Variants in ZNF479 observed in about 807,000 individuals in gnomAD.
The protein encoded by ZNF479 is KRAB zinc finger protein KR19.
Under a neutral mutation model 14.7 loss-of-function variants are expected in ZNF479, and 15 were observed. The observed-to-expected ratio is 1.02, with a 90% CI of 0.68 to 1.57. The LOEUF (loss-of-function observed/expected upper bound fraction) is 1.57, where lower values mean the gene tolerates loss of function less well. ZNF479 is among the 40% of genes most tolerant of loss of function. The pLI is 0.00. For synonymous variants in ZNF479, 145 were observed against 211.5 expected (o/e 0.69, Z 2.73); for missense variants, 506 against 615.1 (o/e 0.82, Z 1.88).
In ZNF479 at chr7:57,118,024, G is replaced by A. The variant is rs1322956980; in HGVS notation, c.*1816C>T. ...TTCTTTCTACTGTGACCCCTCAGATGCTTATATAGACTTAATTTTTGATTT... is the reference window on the plus strand; with the variant it reads ...TTCTTTCTACTGTGACCCCTCAGATACTTATATAGACTTAATTTTTGATTT... On this transcript the variant is annotated 3_prime_UTR_variant, in exon 4 of 4. Coordinates refer to ENST00000319636, the MANE Select transcript of ZNF479 (RefSeq NM_001370129.2). 6.6e-6 allele frequency among the ~76,000 whole-genome samples: 1 copy of A among 152,248 alleles called. No individual in the cohort carries two copies. The highest frequency in any genetic ancestry group is 2.4e-5 in the African/African-American group (1 of 41,462).
intron 2 of ZNF479, 59 bp from the exon 3 acceptor site, chr7:57,126,172 T>A: frequency 6.7e-7 from 1 of 1,493,274 alleles, no homozygotes; most frequent in Non-Finnish European, 9.1e-7. Context: ...ATTACCAAAT[T>A]AGTATTATGC....
chr7:57,127,842 T>C (rs1343944528), intron 1 of ZNF479, among the ~76,000 whole-genome samples: 16 of 151,338 alleles, frequency 1.1e-4, no homozygotes, highest in African/African-American at 3.9e-4. Context: ...TATTATGTGC[T>C]GATGCACACA....
chr7:57,119,888 A>C lies in ZNF479; in HGVS notation c.1527T>G (p.Ala509=), dbSNP rs78428923. The C allele has an allele frequency of 0.026, 41,279 of 1,613,846 alleles. 1,192 individuals are homozygous for C. Among genetic ancestry groups the C allele is most frequent in the East Asian group, 0.17 (7,657 of 44,826 alleles). Residue 509 remains alanine, a synonymous_variant, in exon 4 of 4, where the codon GCT becomes GCG. Coordinates refer to ENST00000319636, the MANE Select transcript of ZNF479 (RefSeq NM_001370129.2). ...CTCCAGTGTGAATTATCTTATGTTT[A>C]GCAAGACTTGAATGCCACTTAAAAG... ...EQAFKWHSSL[A]KHKIIHTGEK...
At chr7:57,122,774 G>A (rs1328928937) in intron 3 of ZNF479, among the ~76,000 whole-genome samples, 4 of 152,006 alleles carry the variant, frequency 2.6e-5, no homozygotes, top group Non-Finnish European at 5.9e-5. Flanking sequence ...TTACTAGAAT[G>A]AGACAAAGAT....
upstream of ZNF479, among the ~76,000 whole-genome samples, chr7:57,135,339 A>G (rs1377611207): frequency 1.3e-5 from 2 of 152,178 alleles, no homozygotes; most frequent in Non-Finnish European, 2.9e-5. Context: ...CCCTCTCAGT[A>G]AAGTCCCTCT....
intron 1 of ZNF479, among the ~76,000 whole-genome samples, chr7:57,137,809 C>T (rs1004089870): frequency 2.6e-5 from 4 of 152,170 alleles, no homozygotes; most frequent in Non-Finnish European, 4.4e-5. Context: ...TATCTCTGGG[C>T]CAATCACCTA....
intron 1 of ZNF479, among the ~76,000 whole-genome samples, chr7:57,130,856 A>G (rs1786383237): frequency 6.6e-6 from 1 of 152,254 alleles, no homozygotes; most frequent in East Asian, 1.9e-4. Flanking sequence ...ATAATCCTGT[A>G]TGTCTTCAAT....
intron 1 of ZNF479, among the ~76,000 whole-genome samples, chr7:57,130,562 A>C (rs1326606058): frequency 6.6e-6 from 1 of 152,242 alleles, no homozygotes; most frequent in African/African-American, 2.4e-5. Flanking sequence ...AAAAAAAGAA[A>C]TAATTCAAAT....
At position 57,121,279 on chromosome 7, in the gene ZNF479, A is replaced by G. The variant is rs537486424; in HGVS notation, c.263-127T>C. Reference sequence around the variant, plus strand: ...GCCATATCAAAATACCACAGGCCATAATTCCTTCATAGATGTATAAATGTA... The same window carrying G: ...GCCATATCAAAATACCACAGGCCATGATTCCTTCATAGATGTATAAATGTA... On this transcript the variant is annotated intron_variant, in intron 3 of 3. Coordinates refer to ENST00000319636, the MANE Select transcript of ZNF479 (RefSeq NM_001370129.2). 9.6e-5 allele frequency: 70 copies of G among 728,414 alleles called. No individual in the cohort carries two copies. In the African/African-American group the frequency reaches 1.1e-3, roughly 12 times the overall value. 45.1% of individuals were successfully genotyped at this position (728,414 alleles called of 1,614,324 possible). A position where few individuals can be genotyped will look rare whatever the true frequency, so the allele number is the denominator to read the frequency against.
intron 2 of ZNF479, 95 bp from the exon 3 acceptor site, chr7:57,126,208 G>C (rs1035845526): frequency 2.2e-6 from 3 of 1,368,010 alleles, no homozygotes; most frequent in Non-Finnish European, 2.9e-6. Flanking sequence ...GAAAATTCTA[G>C]AAGATTAATA....
chr7:57,132,278 G>A lies in ZNF479; in HGVS notation c.39+8C>T. On this transcript the variant is annotated splice_region_variant and intron_variant, in intron 1 of 3. Transcript: ENST00000319636. ...CCCCTCTCTCACGATGACAGACCCA[G>A]CACTCACCATTTCTCGGCTTCCAGG... is the stretch of plus-strand genomic sequence containing the variant. 1 of 1,614,078 alleles carries A rather than the reference G, an allele frequency of 6.2e-7. No individual in the cohort carries two copies. The highest frequency in any genetic ancestry group is 8.5e-7 in the Non-Finnish European group (1 of 1,180,024).
chr7:57,138,487 T>A (rs1193176808), intron 1 of ZNF479, among the ~76,000 whole-genome samples: 1 of 152,116 alleles, frequency 6.6e-6, no homozygotes, highest in African/African-American at 2.4e-5. Context: ...CGATACACAG[T>A]TAGAATATTG....
rs1466900893 is a variant in ZNF479, at chr7:57,118,093, C to T, written c.*1747G>A. Among the ~76,000 whole-genome samples, 28 of 152,206 alleles carry T rather than the reference C, an allele frequency of 1.8e-4. No individual in the cohort carries two copies. Among genetic ancestry groups the T allele is most frequent in the Admixed American group, 1.8e-3 (28 of 15,282 alleles). On this transcript the variant is annotated 3_prime_UTR_variant, in exon 4 of 4. Transcript: ENST00000319636. ...ACTGGTTCTGCAAAAATATTTAGTA[C>T]AAACTGGTGTTTTCTAAGCTGGAGG...
At position 57,126,132 on chromosome 7, in the gene ZNF479, A is replaced by C. The variant is rs778496698; in HGVS notation, c.167-19T>G. Reference sequence around the variant, plus strand: ...GCAATACCTGTTTTATTAAGAAAAAAAAGTAACATAGATCATGCTGAATTC... The same window carrying C: ...GCAATACCTGTTTTATTAAGAAAAACAAGTAACATAGATCATGCTGAATTC... On this transcript the variant is annotated intron_variant, in intron 2 of 3. Coordinates refer to ENST00000319636, the MANE Select transcript of ZNF479 (RefSeq NM_001370129.2). The C allele has an allele frequency of 6.3e-7, 1 of 1,583,710 alleles. No homozygotes were observed. The highest frequency in any genetic ancestry group is 8.5e-7 in the Non-Finnish European group (1 of 1,171,320).
chr7:57,135,278 G>A (rs1786595301), upstream of ZNF479, among the ~76,000 whole-genome samples: 1 of 152,154 alleles, frequency 6.6e-6, no homozygotes, highest in Non-Finnish European at 1.5e-5. Flanking sequence ...TGTGTTTGAG[G>A]TGCAACTTAG....
chr7:57,130,831 T>C (rs1786382053), intron 1 of ZNF479, among the ~76,000 whole-genome samples: 1 of 152,164 alleles, frequency 6.6e-6, no homozygotes, highest in African/African-American at 2.4e-5. Flanking sequence ...CGATTCACAA[T>C]AGCAAAAACA....
chr7:57,127,568 G>T (rs1786228778), intron 1 of ZNF479: 1 of 984,638 alleles, frequency 1.0e-6, no homozygotes, highest in South Asian at 4.7e-5. Flanking sequence ...GTAAATGGCA[G>T]AGTCTGGGTT....
chr7:57,131,329 G>A (rs1281582141), intron 1 of ZNF479, among the ~76,000 whole-genome samples: 3 of 151,778 alleles, frequency 2.0e-5, no homozygotes, highest in Non-Finnish European at 4.4e-5. Context: ...TTGGGAGGCT[G>A]AGGCAGGCAG....
chr7:57,132,325 A>C lies in ZNF479; in HGVS notation c.-1T>G. 1 of 1,614,132 alleles carries C rather than the reference A, an allele frequency of 6.2e-7. No individual in the cohort carries two copies. The highest frequency in any genetic ancestry group is 8.5e-7 in the Non-Finnish European group (1 of 1,180,022). ...CAGGGGGTCCTGGTCTTTTAGCCAT[A>C]AATCTGCAGATACCTGCAGGACACA... On this transcript the variant is annotated 5_prime_UTR_variant, in exon 1 of 4. Coordinates refer to ENST00000319636, the MANE Select transcript of ZNF479 (RefSeq NM_001370129.2).
Sources: gnomAD v4.1 joint callset for allele counts (sites outside exome capture counted in the v4.1 genomes callset) on GRCh38, gnomAD v4.1.1 for gene constraint, MANE v1.5 for transcripts, NCBI Gene and HGNC (gene_info 2026-07-23, HGNC 2026-07-21) for gene names.